Variants in PRKCE observed in about 807,000 individuals in gnomAD.
The protein encoded by PRKCE is protein kinase C epsilon type.
PRKCE carries 16 observed loss-of-function variants against 85.4 expected under a neutral mutation model. The ratio of observed to expected loss-of-function variants is 0.19; its 90% confidence interval spans 0.13 to 0.28. PRKCE has a LOEUF of 0.28. Ranked by LOEUF, PRKCE falls within the 10% of genes least tolerant of loss-of-function variation. The probability of loss-of-function intolerance (pLI) is 1.00; values close to 1 mark genes in which losing one functional copy is unlikely to be tolerated. For missense variants in PRKCE, 573 were observed against 975.2 expected (o/e 0.59, Z 5.49); for synonymous variants, 388 against 371.5 (o/e 1.04, Z -0.51).
At chr2:45,654,238 T>C (rs576577998) in intron 1 of PRKCE, among the ~76,000 whole-genome samples, 1 of 152,358 alleles carries the variant, frequency 6.6e-6, no homozygotes, top group South Asian at 2.1e-4. Context: ...AGTGTCTTTG[T>C]ATCTCTGGTG....
At chr2:46,015,356 CATG>C (rs963510233) in intron 10 of PRKCE, among the ~76,000 whole-genome samples, 14 of 152,154 alleles carry the variant, frequency 9.2e-5, no homozygotes, top group Non-Finnish European at 2.9e-5. Context: ...TGAATAATTT[CATG>C]ATTTTTCCTC....
At chr2:45,938,824 C>T (rs1699670566) in intron 2 of PRKCE, among the ~76,000 whole-genome samples, 1 of 152,194 alleles carries the variant, frequency 6.6e-6, no homozygotes, top group Admixed American at 6.5e-5. Context: ...CAAACATTGG[C>T]CCTATTCCTG....
rs190831374 is a variant in PRKCE at position 46,097,437 on chromosome 2, G to A, written c.1592+11075G>A. ...CGGGAGGCTGAGGCAGGAGAATGGC[G>A]TGAACCTGGGAGGCGGAGCTTGCAG... On this transcript the variant is annotated intron_variant, in intron 11 of 14. Transcript: ENST00000306156. Among the ~76,000 whole-genome samples, 11 of 151,326 alleles carry A rather than the reference G, an allele frequency of 7.3e-5. No homozygotes were observed. The East Asian group carries it at 1.2e-3, about 16-fold the overall frequency.
intron 13 of PRKCE, 51 bp downstream of exon 13, chr2:46,151,280 T>TACACACACACACACACACAC (rs35676949): frequency 3.8e-5 from 21 of 559,068 alleles, no homozygotes. Flanking sequence ...CTCCTCCCCC[T>TACACACACACACACACACAC]ACACACACAC....
intron 2 of PRKCE, among the ~76,000 whole-genome samples, 161 bp from the exon 3 acceptor site, chr2:45,976,268 G>A (rs914059120): frequency 1.3e-5 from 2 of 152,140 alleles, no homozygotes; most frequent in Non-Finnish European, 1.5e-5. Flanking sequence ...CAGCTGCTCA[G>A]TGGGACTCCT....
At chr2:45,915,871 C>G (rs767849603) in intron 2 of PRKCE, among the ~76,000 whole-genome samples, 1 of 152,176 alleles carries the variant, frequency 6.6e-6, no homozygotes, top group Non-Finnish European at 1.5e-5. Context: ...GTGATACACA[C>G]CTGCAGTCAC....
At position 46,010,985 on chromosome 2, in the gene PRKCE, A is replaced by G. The variant is rs570534420; in HGVS notation, c.1437+468A>G. The G allele has an allele frequency of 2.4e-5, 33 of 1,370,268 alleles. No individual in the cohort carries two copies. In the East Asian group the frequency reaches 7.6e-4, roughly 32 times the overall value. The allele number at this position is 1,370,268 out of a possible 1,614,324, so 84.9% of individuals were successfully genotyped here. A position where few individuals can be genotyped will look rare whatever the true frequency, so the allele number is the denominator to read the frequency against. On this transcript the variant is annotated intron_variant, in intron 10 of 14. Coordinates refer to ENST00000306156, the MANE Select transcript of PRKCE (RefSeq NM_005400.3). ...AATGCTTAAAATTTCATAGTGAAACACAAATATAAGGCAGCATTTTTAATT... is the reference window on the plus strand; with the variant it reads ...AATGCTTAAAATTTCATAGTGAAACGCAAATATAAGGCAGCATTTTTAATT...
intron 2 of PRKCE, among the ~76,000 whole-genome samples, chr2:45,954,670 T>C (rs541786471): frequency 6.6e-6 from 1 of 152,338 alleles, no homozygotes; most frequent in East Asian, 1.9e-4. Context: ...GGGGAGAACC[T>C]CATTTCAATG....
intron 2 of PRKCE, among the ~76,000 whole-genome samples, chr2:45,889,097 G>C (rs540207901): frequency 6.6e-6 from 1 of 152,364 alleles, no homozygotes; most frequent in East Asian, 1.9e-4. Context: ...TATAGAAGCA[G>C]ATGGTGTTAC....
intron 2 of PRKCE, among the ~76,000 whole-genome samples, chr2:45,964,270 G>A (rs181386211): frequency 3.3e-4 from 51 of 152,314 alleles, no homozygotes; most frequent in African/African-American, 1.1e-3. Flanking sequence ...CCACAGGCCC[G>A]TTTTAATACA....
chr2:45,654,068 T>C (rs1675269434), intron 1 of PRKCE, among the ~76,000 whole-genome samples: 1 of 152,188 alleles, frequency 6.6e-6, no homozygotes, highest in South Asian at 2.1e-4. Flanking sequence ...GTTGTTGTTT[T>C]TGGACAGGAA....
chr2:45,838,008 A>C (rs1258528814), intron 1 of PRKCE, among the ~76,000 whole-genome samples: 2 of 152,210 alleles, frequency 1.3e-5, no homozygotes, highest in African/African-American at 2.4e-5. Flanking sequence ...CTTTTCTAAG[A>C]TTGCCTTTTT....
At chr2:45,888,875 C>T (rs1350648212) in intron 2 of PRKCE, among the ~76,000 whole-genome samples, 2 of 152,116 alleles carry the variant, frequency 1.3e-5, no homozygotes, top group East Asian at 3.9e-4. Flanking sequence ...GATAAGATTT[C>T]CTCAAGTACA....
intron 14 of PRKCE, among the ~76,000 whole-genome samples, chr2:46,182,572 C>T (rs572305371): frequency 6.6e-6 from 1 of 152,318 alleles, no homozygotes. Flanking sequence ...CCCCCTTCCC[C>T]CTTCCAAGGT....
intron 2 of PRKCE, among the ~76,000 whole-genome samples, chr2:45,869,943 T>C (rs1693952993): frequency 6.6e-6 from 1 of 152,106 alleles, no homozygotes; most frequent in African/African-American, 2.4e-5. Flanking sequence ...CCTGACCTCC[T>C]GGTCTGTCCA....
intron 1 of PRKCE, among the ~76,000 whole-genome samples, chr2:45,744,491 C>T (rs1213828652): frequency 2.5e-4 from 12 of 47,682 alleles, no homozygotes; most frequent in African/African-American, 9.7e-4. Context: ...CTTTCTTTTT[C>T]TTTCTTTCTT....
chr2:46,122,889 T>G (rs1375498397), intron 11 of PRKCE, among the ~76,000 whole-genome samples: 1 of 149,316 alleles, frequency 6.7e-6, no homozygotes, highest in Non-Finnish European at 1.5e-5. Context: ...GGGTTTTTTT[T>G]TTTTTTTTTT....
chr2:45,744,539 TTTCTTTCTTTC>T (rs1682969003), intron 1 of PRKCE, among the ~76,000 whole-genome samples: 1 of 68,172 alleles, frequency 1.5e-5, no homozygotes, highest in African/African-American at 5.5e-5. Context: ...TCTTTCCTTC[TTTCTTTCTTTC>T]TTCCTTCCTT....
At chr2:45,797,267 T>G (rs1313363317) in intron 1 of PRKCE, among the ~76,000 whole-genome samples, 3 of 152,188 alleles carry the variant, frequency 2.0e-5, no homozygotes, top group Admixed American at 1.3e-4. Context: ...TTAGCTTTCA[T>G]AGAACAAAAC....
Sources: gnomAD v4.1 joint callset for allele counts (sites outside exome capture counted in the v4.1 genomes callset) on GRCh38, gnomAD v4.1.1 for gene constraint, MANE v1.5 for transcripts, NCBI Gene and HGNC (gene_info 2026-07-23, HGNC 2026-07-21) for gene names.